The following RASSF7 variants were observed in gnomAD, a reference collection of about 807,000 sequenced individuals.
RASSF7 encodes the protein Ras association domain family member 7.
In RASSF7, 41 loss-of-function variants were observed where a neutral mutation model predicts 33.8. That is an observed-to-expected ratio of 1.21 (90% CI 0.95 to 1.57). The LOEUF is 1.57. Ranked by LOEUF, RASSF7 falls within the 40% of genes most tolerant of loss-of-function variation. The probability of loss-of-function intolerance (pLI) is 0.00; values close to 1 mark genes in which losing one functional copy is unlikely to be tolerated. For synonymous variants in RASSF7, 298 were observed against 212.8 expected, an observed-to-expected ratio of 1.40 and a Z score of -3.48; for missense variants, 622 against 497.0, an observed-to-expected ratio of 1.25 and a Z score of -2.39.
chr11:562,378 G>C lies in RASSF7; in HGVS notation c.424G>C (p.Ala142Pro), dbSNP rs1242588712. 1.3e-6 allele frequency: 2 copies of C among 1,585,270 alleles called. No individual in the cohort carries two copies. Among genetic ancestry groups the C allele is most frequent in the African/African-American group, 2.7e-5 (2 of 74,174 alleles). ...CCCCAGCCTCTCACGCCCTGGGCCT[G>C]CGGCCCCTGTGACACCCACACCAGG... is the stretch of plus-strand genomic sequence containing the variant. The part of the protein sequence containing the change: ...PAPSLSRPGP[A>P]APVTPTPGCC... The change falls in exon 3 of 6, where the codon GCG becomes CCG. Residue 142 changes from alanine to proline, a missense_variant. Coordinates refer to ENST00000397583, the MANE Select transcript of RASSF7 (RefSeq NM_003475.4).
chr11:562,000 T>C, intron 2 of RASSF7, 79 bp from the exon 3 acceptor site: 2 of 1,537,984 alleles, frequency 1.3e-6, no homozygotes, highest in Non-Finnish European at 1.8e-6. Flanking sequence ...TGCTGATCCT[T>C]TTTGTTCTTC....
chr11:563,130 G>C, intron 3 of RASSF7, 59 bp from the exon 4 acceptor site: 1 of 1,478,844 alleles, frequency 6.8e-7, no homozygotes, highest in Non-Finnish European at 9.1e-7. Context: ...GCTCCCTCCG[G>C]AGCACAAGGG....
At chr11:561,534 C>G (rs1853303512) in intron 1 of RASSF7, 57 bp downstream of exon 1, 4 of 1,405,420 alleles carry the variant, frequency 2.8e-6, no homozygotes, top group African/African-American at 1.4e-5. Context: ...TCCGGGAGTG[C>G]GAGCGTGGCA....
chr11:561,696 G>A (rs187433455), intron 1 of RASSF7, 66 bp from the exon 2 acceptor site: 44 of 1,601,300 alleles, frequency 2.7e-5, no homozygotes, highest in African/African-American at 5.3e-5. Flanking sequence ...AGAGGATGAG[G>A]AGAGGAGGAC....
In RASSF7 at chr11:562,205, T is replaced by C; in HGVS notation, c.251T>C (p.Leu84Pro). 6.2e-7 allele frequency: 1 copy of C among 1,605,746 alleles called. No homozygotes were observed. ...GQFASDVQFV[L>P]RRTGPSLAGR... ...TTTGCCAGCGATGTCCAGTTTGTCC[T>C]GAGGCGCACAGGGCCCAGCCTAGCT... The change falls in exon 3 of 6, where the codon CTG becomes CCG. Residue 84 changes from leucine (L) to proline (P), a missense_variant. Transcript: ENST00000397583.
chr11:561,014 C>A lies in RASSF7; in HGVS notation c.-471C>A. On this transcript the variant is annotated 5_prime_UTR_variant, in exon 1 of 6. Transcript: ENST00000397583. ...GTTGCGGCGGCGCCGGAGCGGGTCTCCAGGCTGGCGAGCGCCCAGGTGAGC... is the reference window on the plus strand; with the variant it reads ...GTTGCGGCGGCGCCGGAGCGGGTCTACAGGCTGGCGAGCGCCCAGGTGAGC... The A allele has an allele frequency of 9.8e-7, 1 of 1,020,084 alleles. No homozygotes were observed. Among genetic ancestry groups the A allele is most frequent in the Non-Finnish European group, 1.2e-6 (1 of 853,446 alleles). 63.2% of individuals were successfully genotyped at this position (1,020,084 alleles called of 1,614,324 possible).
rs968338137 is a variant in RASSF7, at chr11:561,265, G to A, written c.-220G>A. 1 of 985,628 alleles carries A rather than the reference G, an allele frequency of 1.0e-6. No homozygotes were observed. Among genetic ancestry groups the A allele is most frequent in the South Asian group, 4.6e-5 (1 of 21,556 alleles). The allele number at this position is 985,628 out of a possible 1,614,324, so 61.1% of individuals were successfully genotyped here. A position where few individuals can be genotyped will look rare whatever the true frequency, so the allele number is the denominator to read the frequency against. On this transcript the variant is annotated 5_prime_UTR_variant, in exon 1 of 6. Transcript: ENST00000397583. ...CCGGGACTTTCGGGGCGAGCGCAGC[G>A]ATTAGGCGGCAGCGGCGGGGCTCCC... is the stretch of plus-strand genomic sequence containing the variant.
In RASSF7 at chr11:561,432, G is replaced by A; in HGVS notation, c.-53G>A. The A allele has an allele frequency of 8.7e-7, 1 of 1,154,736 alleles. No homozygotes were observed. The highest frequency in any genetic ancestry group is 1.1e-6 in the Non-Finnish European group (1 of 933,206). The allele number at this position is 1,154,736 out of a possible 1,614,324, so 71.5% of individuals were successfully genotyped here. ...CGGCGGCCGCGGGGCCTGGCGTGCG[G>A]GCGCCTCCGCGCCGCCCGGGGAGGG... On this transcript the variant is annotated 5_prime_UTR_variant, in exon 1 of 6. Coordinates refer to ENST00000397583, the MANE Select transcript of RASSF7 (RefSeq NM_003475.4).
In RASSF7 at chr11:563,991, G is replaced by A. The variant is rs765589460; in HGVS notation, c.*346G>A. On this transcript the variant is annotated 3_prime_UTR_variant, in exon 6 of 6. Coordinates refer to ENST00000397583, the MANE Select transcript of RASSF7 (RefSeq NM_003475.4). ...TGTGTGCCACTTCCCCTACCCCAACGTGAAAACCTCAATAAACTGCCCGAA... is the reference window on the plus strand; with the variant it reads ...TGTGTGCCACTTCCCCTACCCCAACATGAAAACCTCAATAAACTGCCCGAA... 1.5e-4 allele frequency: 55 copies of A among 373,948 alleles called. No homozygotes were observed. Among genetic ancestry groups the A allele is most frequent in the Admixed American group, 6.5e-4 (15 of 23,190 alleles). The allele number at this position is 373,948 out of a possible 1,614,324, so 23.2% of individuals were successfully genotyped here.
Position 561,080 on chromosome 11 carries a change from C to G in RASSF7, c.-405C>G. On this transcript the variant is annotated 5_prime_UTR_variant, in exon 1 of 6. Transcript: ENST00000397583. ...GTACTTGGGAGCGCGGGGCGCGCCT[C>G]GAGCCGGCCGGACGCCGACTCCAAC... The G allele has an allele frequency of 1.0e-6, 1 of 987,836 alleles. No individual in the cohort carries two copies. Among genetic ancestry groups the G allele is most frequent in the Non-Finnish European group, 1.2e-6 (1 of 831,834 alleles). 61.2% of individuals were successfully genotyped at this position (987,836 alleles called of 1,614,324 possible).
chr11:561,660 A>C, intron 1 of RASSF7, 102 bp from the exon 2 acceptor site: 1 of 1,528,050 alleles, frequency 6.5e-7, no homozygotes, highest in Non-Finnish European at 8.8e-7. Context: ...GAGGGGCGGC[A>C]GCCCAGCCGT....
Position 563,175 on chromosome 11 carries a change from T to C in RASSF7, c.823-14T>C, listed in dbSNP as rs544651619. On this transcript the variant is annotated splice_polypyrimidine_tract_variant and intron_variant, in intron 3 of 5. Transcript: ENST00000397583. The stretch of plus-strand genomic sequence containing the variant: ...CCAGTGGCTGTGCCTCCTAAGGATC[T>C]CATGTGTCCCCAGGCTCAGGCTCAG... 2 of 1,557,850 alleles carry C rather than the reference T, an allele frequency of 1.3e-6. No homozygotes were observed. The highest frequency in any genetic ancestry group is 2.3e-5 in the East Asian group (1 of 44,166).
In RASSF7 at chr11:564,010, G is replaced by A; in HGVS notation, c.*365G>A. 3.2e-6 allele frequency: 1 copy of A among 311,636 alleles called. No homozygotes were observed. The highest frequency in any genetic ancestry group is 6.0e-6 in the Non-Finnish European group (1 of 167,360). The allele number at this position is 311,636 out of a possible 1,614,324, so 19.3% of individuals were successfully genotyped here. On this transcript the variant is annotated 3_prime_UTR_variant, in exon 6 of 6. Coordinates refer to ENST00000397583, the MANE Select transcript of RASSF7 (RefSeq NM_003475.4). ...CCCAACGTGAAAACCTCAATAAACT[G>A]CCCGAAGCAGCTTGAGTGTGTGTGG... is the stretch of plus-strand genomic sequence containing the variant.
In RASSF7 at chr11:563,748, C is replaced by G; in HGVS notation, c.*103C>G. On this transcript the variant is annotated 3_prime_UTR_variant, in exon 6 of 6. Coordinates refer to ENST00000397583, the MANE Select transcript of RASSF7 (RefSeq NM_003475.4). ...AGGCAGTGGGAAGCCCTGGGTTTGG[C>G]CTCAGGAGCTGGGGGTGCAGTGGGG... 8.6e-7 allele frequency: 1 copy of G among 1,160,122 alleles called. No individual in the cohort carries two copies. The highest frequency in any genetic ancestry group is 1.2e-6 in the Non-Finnish European group (1 of 828,464). The allele number at this position is 1,160,122 out of a possible 1,614,324, so 71.9% of individuals were successfully genotyped here.
In RASSF7 at chr11:563,918, C is replaced by T. The variant is rs1853452894; in HGVS notation, c.*273C>T. The T allele has an allele frequency of 3.6e-6, 2 of 556,140 alleles. No homozygotes were observed. The highest frequency in any genetic ancestry group is 2.9e-5 in the East Asian group (1 of 34,114). The allele number at this position is 556,140 out of a possible 1,614,324, so 34.5% of individuals were successfully genotyped here. A position where few individuals can be genotyped will look rare whatever the true frequency, so the allele number is the denominator to read the frequency against. ...AGTGTGCTCAAGCTGTGGGCATGTGCTTGCCTGCGGGAGAGGTCCTTCACT... is the reference window on the plus strand; with the variant it reads ...AGTGTGCTCAAGCTGTGGGCATGTGTTTGCCTGCGGGAGAGGTCCTTCACT... On this transcript the variant is annotated 3_prime_UTR_variant, in exon 6 of 6. Transcript: ENST00000397583.
rs929233423 is a variant in RASSF7, at chr11:561,116, T to A, written c.-369T>A. The A allele has an allele frequency of 3.5e-5, 34 of 984,772 alleles. No homozygotes were observed. The highest frequency in any genetic ancestry group is 4.7e-5 in the South Asian group (1 of 21,286). 61.0% of individuals were successfully genotyped at this position (984,772 alleles called of 1,614,324 possible). ...GACGCCGACTCCAACTGGGGAGAGT[T>A]TTCCGCGATGCCCGGACGGAGAGCG... On this transcript the variant is annotated 5_prime_UTR_variant, in exon 1 of 6. Coordinates refer to ENST00000397583, the MANE Select transcript of RASSF7 (RefSeq NM_003475.4).
rs770474190 is a variant in RASSF7, at chr11:563,621, G to A, written c.1098G>A (p.Leu366=). Residue 366 remains leucine (L), a synonymous_variant, in exon 6 of 6, where the codon CTG becomes CTA. Coordinates refer to ENST00000397583, the MANE Select transcript of RASSF7 (RefSeq NM_003475.4). The part of the protein sequence containing the change: ...AAAPAPEWCP[L]AAQPQAL ...CTCCTGCCCCAGAGTGGTGTCCTCT[G>A]GCAGCCCAGCCCCAGGCTCTGTGAC... 2 of 1,611,186 alleles carry A rather than the reference G, an allele frequency of 1.2e-6. No homozygotes were observed. The highest frequency in any genetic ancestry group is 3.3e-5 in the Admixed American group (2 of 59,986).
In RASSF7 at chr11:561,359, C is replaced by G. The variant is rs1253583284; in HGVS notation, c.-126C>G. 2.1e-4 allele frequency: 212 copies of G among 1,028,756 alleles called. No homozygotes were observed. The highest frequency in any genetic ancestry group is 2.4e-4 in the Non-Finnish European group (206 of 858,834). 63.7% of individuals were successfully genotyped at this position (1,028,756 alleles called of 1,614,324 possible). A position where few individuals can be genotyped will look rare whatever the true frequency, so the allele number is the denominator to read the frequency against. ...CAGGGTCGAGGTCTGGGTTGCGACC[C>G]CGAGCGCCTCTGCGGCCTGAGCAGG... On this transcript the variant is annotated 5_prime_UTR_variant, in exon 1 of 6. Coordinates refer to ENST00000397583, the MANE Select transcript of RASSF7 (RefSeq NM_003475.4).
Position 563,101 on chromosome 11 carries a change from G to A in RASSF7, c.823-88G>A, listed in dbSNP as rs184226611. On this transcript the variant is annotated intron_variant, in intron 3 of 5. Coordinates refer to ENST00000397583, the MANE Select transcript of RASSF7 (RefSeq NM_003475.4). ...GACGTGGGCAGATATGGGGGTCACA[G>A]GGCCCGACCAGGGAAAGTGCTCCCT... The A allele has an allele frequency of 1.2e-4, 156 of 1,326,700 alleles. No individual in the cohort carries two copies. The African/African-American group carries it at 1.6e-3, about 13-fold the overall frequency. 82.2% of individuals were successfully genotyped at this position (1,326,700 alleles called of 1,614,324 possible). A position where few individuals can be genotyped will look rare whatever the true frequency, so the allele number is the denominator to read the frequency against.
Sources: gnomAD v4.1 joint callset for allele counts on GRCh38, gnomAD v4.1.1 for gene constraint, MANE v1.5 for transcripts, NCBI Gene and HGNC (gene_info 2026-07-23, HGNC 2026-07-21) for gene names.